Variants in FNTB observed in about 807,000 individuals in gnomAD.
The protein encoded by FNTB is protein farnesyltransferase subunit beta.
Under a neutral mutation model 59.4 loss-of-function variants are expected in FNTB, and 27 were observed. The ratio of observed to expected loss-of-function variants is 0.45; its 90% CI spans 0.34 to 0.63. FNTB has a LOEUF of 0.63. FNTB is among the 20% of genes least tolerant of loss of function. FNTB has a pLI of 0.02. For missense variants in FNTB, 449 were observed against 559.6 expected, an observed-to-expected ratio of 0.80 and a Z score of 1.99; for synonymous variants, 230 against 220.7, an observed-to-expected ratio of 1.04 and a Z score of -0.37.
intron 9 of FNTB, among the ~76,000 whole-genome samples, chr14:65,050,321 C>T (rs768782992): frequency 3.3e-5 from 5 of 152,180 alleles, no homozygotes; most frequent in African/African-American, 7.2e-5. Flanking sequence ...GCTGGCCGGG[C>T]GTGGTGGCTC....
At chr14:65,035,975 G>A (rs2062180821) in intron 7 of FNTB, among the ~76,000 whole-genome samples, 1 of 152,000 alleles carries the variant, frequency 6.6e-6, no homozygotes, top group Non-Finnish European at 1.5e-5. Flanking sequence ...GAGACCACAG[G>A]TGTGCACCAC....
intron 7 of FNTB, among the ~76,000 whole-genome samples, chr14:65,035,116 G>A (rs553488592): frequency 1.3e-5 from 2 of 152,260 alleles, no homozygotes; most frequent in South Asian, 2.1e-4. Flanking sequence ...TTCTGGATTC[G>A]TCCTCAGTTT....
chr14:65,013,590 C>T (rs2061718879), intron 3 of FNTB, among the ~76,000 whole-genome samples: 1 of 152,192 alleles, frequency 6.6e-6, no homozygotes, highest in Non-Finnish European at 1.5e-5. Context: ...CGCTGTATTT[C>T]CCAGGCTGGA....
At chr14:64,988,245 C>CCT (rs1418092590) in intron 1 of FNTB, among the ~76,000 whole-genome samples, 2 of 152,142 alleles carry the variant, frequency 1.3e-5, no homozygotes, top group African/African-American at 4.8e-5. Context: ...GAAATCCTCA[C>CCT]CTCTCGAATC....
rs1407707046 is a variant in FNTB, at chr14:65,032,363, G to A, written c.606-247G>A. 2.5e-6 allele frequency: 1 copy of A among 398,166 alleles called. No homozygotes were observed. The highest frequency in any genetic ancestry group is 4.4e-5 in the East Asian group (1 of 22,642). The allele number at this position is 398,166 out of a possible 1,614,324, so 24.7% of individuals were successfully genotyped here. On this transcript the variant is annotated intron_variant, in intron 6 of 11. Coordinates refer to ENST00000246166, the MANE Select transcript of FNTB (RefSeq NM_002028.4). This position sits in a 1 kb window ranked among gnomAD's most constrained non-coding sequence, Gnocchi z 5.0. ...CTGTTATTTCCTCTGATGTAGATTG[G>A]ACCATGTGGAGGTAGGGAGAATAGA...
chr14:65,022,493 G>T (rs776975458), intron 4 of FNTB, among the ~76,000 whole-genome samples: 8 of 151,880 alleles, frequency 5.3e-5, no homozygotes, highest in Non-Finnish European at 1.0e-4. Context: ...ATTTTGCTGG[G>T]TAGCTTTCTC....
Position 64,997,286 on chromosome 14 carries a change from A to G in FNTB, c.145-6963A>G, listed in dbSNP as rs72728227. Among the ~76,000 whole-genome samples the G allele has an allele frequency of 0.13, 19,343 of 152,064 alleles. 1,321 individuals are homozygous for G. Among genetic ancestry groups the G allele is most frequent in the Admixed American group, 0.17 (2,654 of 15,284 alleles). On this transcript the variant is annotated intron_variant, in intron 1 of 11. Transcript: ENST00000246166. The surrounding 1 kb of genome is among the most constrained non-coding windows in gnomAD (Gnocchi z 4.5). ...TTGAGATGTCTTTTCAGATTTTTGCATTTCTGACTGGCTGACTCCACACAG... is the reference window on the plus strand; with the variant it reads ...TTGAGATGTCTTTTCAGATTTTTGCGTTTCTGACTGGCTGACTCCACACAG...
chr14:65,017,050 G>A (rs559970388), intron 4 of FNTB, among the ~76,000 whole-genome samples: 1 of 151,938 alleles, frequency 6.6e-6, no homozygotes, highest in Non-Finnish European at 1.5e-5. Context: ...AGCCTCCTGA[G>A]TAGCTGGGAT....
intron 8 of FNTB, among the ~76,000 whole-genome samples, chr14:65,043,439 T>G (rs2062396045): frequency 6.6e-6 from 1 of 152,218 alleles, no homozygotes; most frequent in South Asian, 2.1e-4. Context: ...GCTTCTGCTT[T>G]CAGGCCTGCT....
intron 2 of FNTB, among the ~76,000 whole-genome samples, chr14:65,004,873 G>A (rs563107908): frequency 6.6e-6 from 1 of 152,240 alleles, no homozygotes; most frequent in South Asian, 2.1e-4. Flanking sequence ...GTGTTGGCCA[G>A]TCTTGTCTTA....
Position 65,027,607 on chromosome 14 carries a change from G to A in FNTB, c.521+8G>A. ...CTATGACATCATTAACAGGTACAGT[G>A]AAAGCCAGCAGTGACAGAAACCTAG... On this transcript the variant is annotated splice_region_variant and intron_variant, in intron 5 of 11. Transcript: ENST00000246166. The surrounding 1 kb of genome is among the most constrained non-coding windows in gnomAD (Gnocchi z 5.7). 1 of 1,614,124 alleles carries A rather than the reference G, an allele frequency of 6.2e-7. No homozygotes were observed. The highest frequency in any genetic ancestry group is 8.5e-7 in the Non-Finnish European group (1 of 1,179,990).
chr14:65,048,543 A>G (rs2062538016), intron 9 of FNTB, among the ~76,000 whole-genome samples: 1 of 152,190 alleles, frequency 6.6e-6, no homozygotes, highest in Non-Finnish European at 1.5e-5. Flanking sequence ...TTTGAGTAGA[A>G]GAAGGAATTA....
At chr14:65,048,223 T>C (rs532466459) in intron 9 of FNTB, among the ~76,000 whole-genome samples, 2 of 151,964 alleles carry the variant, frequency 1.3e-5, no homozygotes, top group South Asian at 4.2e-4. Flanking sequence ...CCTCAAGTGA[T>C]CCACCTTCCT....
intron 1 of FNTB, 195 bp downstream of exon 1, chr14:64,987,292 G>T: frequency 1.6e-6 from 1 of 634,358 alleles, no homozygotes; most frequent in Non-Finnish European, 2.7e-6. Flanking sequence ...CCAGCTTGGG[G>T]AAGGGTCGTT....
rs2062013136 is a variant in FNTB, at chr14:65,027,903, G to C, written c.605+122G>C. On this transcript the variant is annotated intron_variant, in intron 6 of 11. Transcript: ENST00000246166. The surrounding 1 kb of genome is among the most constrained non-coding windows in gnomAD (Gnocchi z 5.7). ...TGCTTTGTCCCAGAATGACACATGG[G>C]ATGACATGTCAGTGACACGTCAGAA... The C allele has an allele frequency of 7.1e-6, 9 of 1,275,368 alleles. No homozygotes were observed. Among genetic ancestry groups the C allele is most frequent in the Non-Finnish European group, 8.8e-6 (8 of 905,926 alleles). 79.0% of individuals were successfully genotyped at this position (1,275,368 alleles called of 1,614,324 possible).
intron 4 of FNTB, among the ~76,000 whole-genome samples, chr14:65,020,645 G>A (rs1036476331): frequency 4.6e-5 from 7 of 151,746 alleles, no homozygotes; most frequent in African/African-American, 1.7e-4. Context: ...TGTTGGCCAA[G>A]TTGGTCTCGA....
intron 9 of FNTB, among the ~76,000 whole-genome samples, chr14:65,050,271 T>C (rs531272838): frequency 6.6e-6 from 1 of 152,334 alleles, no homozygotes; most frequent in Non-Finnish European, 1.5e-5. Flanking sequence ...TATTTCTTTT[T>C]ACCATTTTAA....
At position 65,031,477 on chromosome 14, in the gene FNTB, C is replaced by T. The variant is rs772349290; in HGVS notation, c.606-1133C>T. On this transcript the variant is annotated intron_variant, in intron 6 of 11. Transcript: ENST00000246166. The surrounding 1 kb of genome is among the most constrained non-coding windows in gnomAD (Gnocchi z 4.6). ...GGACTACGGGCACACGCCACCATGC[C>T]CAGCTAATTTTTGTGTTTTTAGTGG... Among the ~76,000 whole-genome samples, 5 of 151,930 alleles carry T rather than the reference C, an allele frequency of 3.3e-5. No homozygotes were observed. The highest frequency in any genetic ancestry group is 6.5e-5 in the Admixed American group (1 of 15,274).
At chr14:65,046,034 C>T (rs944181837) in intron 9 of FNTB, among the ~76,000 whole-genome samples, 1 of 152,092 alleles carries the variant, frequency 6.6e-6, no homozygotes, top group African/African-American at 2.4e-5. Context: ...GTTGCCCAGG[C>T]CGGAGTGCAA....
Sources: allele counts gnomAD v4.1 joint callset (sites outside exome capture counted in the v4.1 genomes callset), GRCh38; gene constraint gnomAD v4.1.1; non-coding constraint Gnocchi (gnomAD v3.1); transcripts MANE v1.5; gene names NCBI Gene and HGNC (gene_info 2026-07-23, HGNC 2026-07-21).